ZFAT: variants seen among roughly 807,000 people sequenced by gnomAD.
The protein encoded by ZFAT is zinc finger and AT-hook domain containing, also known as zinc finger protein ZFAT.
ZFAT carries 64 observed loss-of-function variants against 117.7 expected under a neutral mutation model. The observed-to-expected ratio is 0.54, with a 90% CI of 0.44 to 0.67. The LOEUF is 0.67. Ranked by LOEUF, ZFAT falls within the 30% of genes least tolerant of loss-of-function variation. The pLI is 0.00. For synonymous variants in ZFAT, 679 were observed against 615.0 expected (o/e 1.10, Z -1.54); for missense variants, 1,433 against 1,584.5 (o/e 0.90, Z 1.62).
chr8:134,628,491 G>A (rs17771292), intron 3 of ZFAT, among the ~76,000 whole-genome samples: 26,029 of 152,156 alleles, frequency 0.17, 2,451 homozygotes, highest in Non-Finnish European at 0.23. Flanking sequence ...GGATAAGATG[G>A]GTTCATATGT....
chr8:134,670,965 CTA>C (rs1832532221), intron 1 of ZFAT, among the ~76,000 whole-genome samples: 1 of 152,176 alleles, frequency 6.6e-6, no homozygotes, highest in Non-Finnish European at 1.5e-5. Context: ...TCAGAGAATA[CTA>C]TAAACACCTC....
intron 2 of ZFAT, among the ~76,000 whole-genome samples, chr8:134,646,386 CA>C (rs1235832687): frequency 6.6e-6 from 1 of 151,768 alleles, no homozygotes; most frequent in Non-Finnish European, 1.5e-5. Context: ...AACAAAAACA[CA>C]ACATACCAAA....
Position 134,478,366 on chromosome 8 carries a change from G to A in ZFAT, c.*116C>T, listed in dbSNP as rs1486237982. 3.5e-6 allele frequency: 5 copies of A among 1,432,506 alleles called. No individual in the cohort carries two copies. Among genetic ancestry groups the A allele is most frequent in the South Asian group, 1.4e-5 (1 of 71,166 alleles). The allele number at this position is 1,432,506 out of a possible 1,614,324, so 88.7% of individuals were successfully genotyped here. A position where few individuals can be genotyped will look rare whatever the true frequency, so the allele number is the denominator to read the frequency against. Reference sequence around the variant, plus strand: ...GAGAGTCCTATCAGGCTGCTGGGCAGGGAGGGCAAAGGAGAGCACCATTCT... The same window carrying A: ...GAGAGTCCTATCAGGCTGCTGGGCAAGGAGGGCAAAGGAGAGCACCATTCT... On this transcript the variant is annotated 3_prime_UTR_variant, in exon 16 of 16. Coordinates refer to ENST00000377838, the MANE Select transcript of ZFAT (RefSeq NM_020863.4). The surrounding 1 kb of genome is among the most constrained non-coding windows in gnomAD (Gnocchi z 5.2).
At chr8:134,518,867 G>C (rs922672596) in intron 13 of ZFAT, among the ~76,000 whole-genome samples, 4 of 151,922 alleles carry the variant, frequency 2.6e-5, no homozygotes, top group African/African-American at 9.6e-5. Context: ...TTTTCAGATA[G>C]CTATTTAGCT....
At chr8:134,593,972 C>A (rs1157159849) in intron 7 of ZFAT, among the ~76,000 whole-genome samples, 1 of 152,208 alleles carries the variant, frequency 6.6e-6, no homozygotes, top group Non-Finnish European at 1.5e-5. Flanking sequence ...CAGCAAAGCA[C>A]AGGAAAAGTG....
intron 10 of ZFAT, among the ~76,000 whole-genome samples, chr8:134,577,356 G>A (rs1825383694): frequency 6.6e-6 from 1 of 152,124 alleles, no homozygotes; most frequent in African/African-American, 2.4e-5. Flanking sequence ...GTGAAAAATT[G>A]GATTCACAAG....
chr8:134,630,092 C>T (rs888130497), intron 3 of ZFAT, among the ~76,000 whole-genome samples: 3 of 152,158 alleles, frequency 2.0e-5, no homozygotes, highest in Non-Finnish European at 4.4e-5. Context: ...ACCAGGTCTC[C>T]CCTTAATCAG....
intron 11 of ZFAT, among the ~76,000 whole-genome samples, chr8:134,544,439 G>A (rs1822536367): frequency 1.1e-5 from 1 of 94,482 alleles, no homozygotes; most frequent in Non-Finnish European, 2.2e-5. Flanking sequence ...CTAAAAATCT[G>A]GTTGAAATTT....
intron 1 of ZFAT, among the ~76,000 whole-genome samples, chr8:134,711,265 G>A (rs1034600484): frequency 5.3e-5 from 8 of 152,200 alleles, no homozygotes; most frequent in African/African-American, 1.9e-4. Flanking sequence ...TACTGCGCCC[G>A]GCTATGGAAC....
At chr8:134,687,135 C>T (rs759299428) in intron 1 of ZFAT, among the ~76,000 whole-genome samples, 1 of 152,176 alleles carries the variant, frequency 6.6e-6, no homozygotes, top group East Asian at 1.9e-4. Flanking sequence ...AAGGTGCCTC[C>T]CTTCCAGCTC....
intron 11 of ZFAT, among the ~76,000 whole-genome samples, chr8:134,557,364 A>T (rs1211686283): frequency 6.6e-6 from 1 of 152,216 alleles, no homozygotes; most frequent in Non-Finnish European, 1.5e-5. Flanking sequence ...AAAGGACATG[A>T]GGACTAAGGT....
intron 11 of ZFAT, among the ~76,000 whole-genome samples, chr8:134,535,790 G>T (rs563670428): frequency 2.6e-5 from 4 of 151,866 alleles, no homozygotes; most frequent in African/African-American, 9.7e-5. Flanking sequence ...TATGATTACT[G>T]CAAAGTTAAA....
chr8:134,802,412 G>A, the ZFAT span, among the ~76,000 whole-genome samples: 5 of 152,142 alleles, frequency 3.3e-5, no homozygotes, highest in Non-Finnish European at 7.4e-5. Flanking sequence ...TGCATGCTGG[G>A]GTTTATAGGT....
the ZFAT span, among the ~76,000 whole-genome samples, chr8:134,815,253 T>C: frequency 2.0e-5 from 3 of 152,182 alleles, no homozygotes; most frequent in African/African-American, 7.2e-5. Flanking sequence ...TTTGAAAACA[T>C]CTGTAACATC....
chr8:134,634,287 A>T (rs943478819), intron 3 of ZFAT, among the ~76,000 whole-genome samples: 1 of 152,244 alleles, frequency 6.6e-6, no homozygotes, highest in Non-Finnish European at 1.5e-5. Context: ...TGAAAAATAC[A>T]TATGGGTGTA....
intron 11 of ZFAT, among the ~76,000 whole-genome samples, chr8:134,550,471 C>G (rs148078976): frequency 1.3e-5 from 2 of 152,254 alleles, no homozygotes; most frequent in Non-Finnish European, 2.9e-5. Context: ...CCGTGGCATA[C>G]CACAAGTTCA....
intron 11 of ZFAT, among the ~76,000 whole-genome samples, chr8:134,548,008 A>G (rs1311853036): frequency 1.3e-5 from 2 of 152,230 alleles, no homozygotes; most frequent in African/African-American, 4.8e-5. Context: ...AGGACCAGGC[A>G]TGGCCCAGAA....
chr8:134,810,316 C>T, the ZFAT span, among the ~76,000 whole-genome samples: 1 of 152,064 alleles, frequency 6.6e-6, no homozygotes, highest in Non-Finnish European at 1.5e-5. Context: ...TTGAAGAGAC[C>T]TTAACTGTAA....
the ZFAT span, among the ~76,000 whole-genome samples, chr8:134,781,486 C>T: frequency 6.6e-6 from 1 of 152,100 alleles, no homozygotes; most frequent in Admixed American, 6.6e-5. Flanking sequence ...AAATGTAATA[C>T]CCTTAAAGTC....
Sources: gnomAD v4.1 joint callset for allele counts (sites outside exome capture counted in the v4.1 genomes callset) on GRCh38, gnomAD v4.1.1 for gene constraint, Gnocchi (gnomAD v3.1) non-coding constraint, MANE v1.5 for transcripts, NCBI Gene and HGNC (gene_info 2026-07-23, HGNC 2026-07-21) for gene names.